The following TMED3 variants were observed in gnomAD, a reference collection of about 807,000 sequenced individuals.
TMED3 encodes the protein transmembrane emp24 domain-containing protein 3.
TMED3 carries 9 observed loss-of-function variants against 15.0 expected under a neutral mutation model. The ratio of observed to expected loss-of-function variants is 0.60; its 90% CI spans 0.36 to 1.04. The LOEUF (loss-of-function observed/expected upper bound fraction) is 1.04, where lower values mean the gene tolerates loss of function less well. TMED3 is among the 50% of genes least tolerant of loss of function. TMED3 has a pLI of 0.01. For synonymous variants in TMED3, 117 were observed against 121.4 expected (o/e 0.96, Z 0.24); for missense variants, 267 against 278.9 (o/e 0.96, Z 0.30).
At chr15:79,327,711 C>T (rs751810244), downstream of TMED3, among the ~76,000 whole-genome samples, 4 of 152,250 alleles carry the variant, frequency 2.6e-5, no homozygotes, top group Non-Finnish European at 5.9e-5. Context: ...GTCTGACCAT[C>T]TAGATCTATC....
intron 2 of TMED3, among the ~76,000 whole-genome samples, chr15:79,405,343 C>T (rs1415737964): frequency 6.6e-6 from 1 of 152,178 alleles, no homozygotes; most frequent in East Asian, 1.9e-4. Flanking sequence ...TATCAGATCT[C>T]CCAGTCACAT....
chr15:79,312,792 TTAA>T (rs1165133310), intron 1 of TMED3, among the ~76,000 whole-genome samples: 1 of 152,210 alleles, frequency 6.6e-6, no homozygotes, highest in Non-Finnish European at 1.5e-5. Flanking sequence ...CATTCAGTCA[TTAA>T]TAATATATTG....
chr15:79,354,282 G>A (rs2058909783), intron 2 of TMED3, among the ~76,000 whole-genome samples: 1 of 152,092 alleles, frequency 6.6e-6, no homozygotes, highest in Non-Finnish European at 1.5e-5. Flanking sequence ...GAGGGCAGAG[G>A]AGGAGACAGA....
intron 2 of TMED3, chr15:79,315,974 A>G: frequency 6.6e-6 from 1 of 152,264 alleles, no homozygotes; most frequent in Non-Finnish European, 1.5e-5. Context: ...GGAGTCAGGA[A>G]GGCTTCACTT....
At chr15:79,352,854 C>CAT (rs2058896907) in intron 2 of TMED3, among the ~76,000 whole-genome samples, 1 of 104,700 alleles carries the variant, frequency 9.6e-6, no homozygotes, top group African/African-American at 3.6e-5. Flanking sequence ...ATAAAATATA[C>CAT]ATATAAAATA....
intron 2 of TMED3, among the ~76,000 whole-genome samples, chr15:79,405,725 A>T (rs1392436780): frequency 2.0e-5 from 3 of 152,190 alleles, no homozygotes; most frequent in Admixed American, 6.5e-5. Flanking sequence ...CTTCTGGCTC[A>T]TCAATCCAGT....
Position 79,313,773 on chromosome 15 carries a change from A to G in TMED3, c.185A>G (p.His62Arg), listed in dbSNP as rs776288577. The G allele has an allele frequency of 2.5e-6, 4 of 1,613,916 alleles. No homozygotes were observed. The South Asian group carries it at 4.4e-5, about 18-fold the overall frequency. ...GGTTGTCAGGTCATCACTGGAGGCC[A>G]CTACGATGTTGACTGCTATGTAGAG... ...SLDYQVITGG[H>R]YDVDCYVEDP... Residue 62 changes from histidine to arginine, a missense_variant, in exon 2 of 3, where the codon CAC (histidine) becomes CGC (arginine). Physicochemically the swap from His to Arg is conservative, Grantham distance 29. Coordinates refer to ENST00000299705, the MANE Select transcript of TMED3 (RefSeq NM_007364.4).
At chr15:79,387,200 T>C (rs1186646766) in intron 2 of TMED3, among the ~76,000 whole-genome samples, 1 of 152,218 alleles carries the variant, frequency 6.6e-6, no homozygotes, top group Non-Finnish European at 1.5e-5. Flanking sequence ...TATTTAAGTC[T>C]ATAATCCCCC....
At chr15:79,363,724 CA>C (rs1893175767) in intron 2 of TMED3, among the ~76,000 whole-genome samples, 1 of 152,132 alleles carries the variant, frequency 6.6e-6, no homozygotes, top group South Asian at 2.1e-4. Context: ...TAACGTAAAG[CA>C]AAGGCAGATT....
At position 79,338,993 on chromosome 15, in the gene TMED3, G is replaced by A. The variant is rs188302215; in HGVS notation, c.417+24988G>A. 5.9e-5 allele frequency among the ~76,000 whole-genome samples: 9 copies of A among 152,266 alleles called. 1 individual carries two copies. The highest frequency in any genetic ancestry group is 6.8e-3 in the Middle Eastern group (2 of 294). ...GGCCTGACATTAGTCAGGCTCACCC[G>A]CAGTTATCCAGGGGCCTGTCTCCCT... is the stretch of plus-strand genomic sequence containing the variant. On this transcript the variant is annotated intron_variant, in intron 2 of 2. Coordinates refer to the TMED3 transcript ENST00000424155.
At chr15:79,387,013 T>A (rs927405111) in intron 2 of TMED3, among the ~76,000 whole-genome samples, 4 of 150,676 alleles carry the variant, frequency 2.7e-5, no homozygotes, top group Admixed American at 2.0e-4. Flanking sequence ...ACTGCAGCCT[T>A]GAATCCTGGG....
At chr15:79,410,151 A>G (rs897446007) in intron 2 of TMED3, among the ~76,000 whole-genome samples, 1 of 152,152 alleles carries the variant, frequency 6.6e-6, no homozygotes, top group Non-Finnish European at 1.5e-5. Flanking sequence ...AGGTTTATAT[A>G]TTTCCTTCCA....
At chr15:79,383,238 A>G (rs954197420) in intron 2 of TMED3, 4 of 561,150 alleles carry the variant, frequency 7.1e-6, no homozygotes, top group South Asian at 5.0e-5. Context: ...CCGATTTCCA[A>G]TGTGGCTGCC....
chr15:79,356,410 G>A (rs1431504915), intron 2 of TMED3, among the ~76,000 whole-genome samples: 1 of 152,208 alleles, frequency 6.6e-6, no homozygotes, highest in Non-Finnish European at 1.5e-5. Flanking sequence ...ATGAATGGAA[G>A]AATAAATGAA....
At chr15:79,393,709 T>G (rs1003358393) in intron 2 of TMED3, among the ~76,000 whole-genome samples, 1 of 152,182 alleles carries the variant, frequency 6.6e-6, no homozygotes. Context: ...AAAATTTTGT[T>G]TTTTATGACA....
At chr15:79,331,626 C>G (rs2058809563) in intron 2 of TMED3, among the ~76,000 whole-genome samples, 1 of 145,576 alleles carries the variant, frequency 6.9e-6, no homozygotes, top group East Asian at 2.0e-4. Flanking sequence ...ATCTGAAGAA[C>G]AGGAGAAAAT....
chr15:79,346,054 C>G (rs1370811253), intron 2 of TMED3, among the ~76,000 whole-genome samples: 1 of 152,088 alleles, frequency 6.6e-6, no homozygotes, highest in Non-Finnish European at 1.5e-5. Context: ...GGAGTTAGAC[C>G]TTTGTCAGAT....
At chr15:79,359,474 C>T (rs1469350332) in intron 2 of TMED3, among the ~76,000 whole-genome samples, 1 of 151,980 alleles carries the variant, frequency 6.6e-6, no homozygotes, top group East Asian at 1.9e-4. Flanking sequence ...GTGATCTGCC[C>T]ACCTCAGCCT....
rs745412157 is a variant in TMED3 at position 79,322,188 on chromosome 15, C to G, written c.628C>G (p.Pro210Ala). ...GAAAAGCTTCTTCACAGAAAAACGA[C>G]CCATCAGCAGGGCAGTCCACTCCTA... ...LLKSFFTEKR[P>A]ISRAVHS Residue 210 changes from proline (P) to alanine (A), a missense_variant, in exon 3 of 3, where the codon CCC becomes GCC. Physicochemically the swap from Pro to Ala is conservative, Grantham distance 27. This residue lies in a region of TMED3 where 139 missense variants were observed against 125.0 expected (regional missense o/e 1.11). Coordinates refer to ENST00000299705, the MANE Select transcript of TMED3 (RefSeq NM_007364.4). The G allele has an allele frequency of 6.2e-7, 1 of 1,614,062 alleles. No individual in the cohort carries two copies. The highest frequency in any genetic ancestry group is 2.2e-5 in the East Asian group (1 of 44,874).
Sources: gnomAD v4.1 joint callset for allele counts (sites outside exome capture counted in the v4.1 genomes callset) on GRCh38, gnomAD v4.1.1 for gene constraint, gnomAD v4.1.1 regional missense constraint, MANE v1.5 for transcripts, NCBI Gene and HGNC (gene_info 2026-07-23, HGNC 2026-07-21) for gene names.